The following ADCY5 variants were observed in gnomAD, a reference collection of about 807,000 sequenced individuals.
ADCY5 encodes adenylate cyclase type 5.
ADCY5 carries 30 observed loss-of-function variants against 119.7 expected under a neutral mutation model. The ratio of observed to expected loss-of-function variants is 0.25; its 90% CI spans 0.19 to 0.34. ADCY5 has a LOEUF of 0.34. Ranked by LOEUF, ADCY5 falls within the 10% of genes least tolerant of loss-of-function variation. The pLI is 1.00. For synonymous variants in ADCY5, 753 were observed against 762.2 expected (o/e 0.99, Z 0.20); for missense variants, 1,324 against 1,775.2 (o/e 0.75, Z 4.57).
At chr3:123,398,535 A>C (rs1479125515) in intron 1 of ADCY5, among the ~76,000 whole-genome samples, 3 of 152,154 alleles carry the variant, frequency 2.0e-5, no homozygotes, top group Non-Finnish European at 2.9e-5. Flanking sequence ...CACAGGGATA[A>C]TCTTCAAATA....
At chr3:123,351,228 G>A (rs1348689128) in intron 2 of ADCY5, among the ~76,000 whole-genome samples, 1 of 152,086 alleles carries the variant, frequency 6.6e-6, no homozygotes. Flanking sequence ...TTGCCCCCTC[G>A]TTTGGCTGTC....
Position 123,448,322 on chromosome 3 carries a change from C to G in ADCY5, c.224G>C (p.Ser75Thr), listed in dbSNP as rs1383929179. Residue 75 changes from serine to threonine, a missense_variant, in exon 1 of 21, where the codon AGC becomes ACC. Ser to Thr is a moderately conservative substitution (Grantham distance 58). This residue lies in a region of ADCY5 where 585 missense variants were observed against 569.9 expected (regional missense o/e 1.03). Coordinates refer to ENST00000462833, the MANE Select transcript of ADCY5 (RefSeq NM_183357.3). The stretch of plus-strand genomic sequence containing the variant: ...CAGCGGAGGATCGTCGTCGTCGTCG[C>G]TGCGCCAGCGGCTGGCCAGGCGCTG... ...QQQRLASRWRSDDDDDPPLSG... is the reference protein window; with the variant it reads ...QQQRLASRWRTDDDDDPPLSG... The G allele has an allele frequency of 3.3e-6, 5 of 1,537,892 alleles. No individual in the cohort carries two copies. Among genetic ancestry groups the G allele is most frequent in the Non-Finnish European group, 4.3e-6 (5 of 1,152,920 alleles).
chr3:123,327,507 A>C (rs1401085821), intron 7 of ADCY5, 111 bp downstream of exon 7: 2 of 1,195,400 alleles, frequency 1.7e-6, no homozygotes, highest in Non-Finnish European at 2.3e-6. Context: ...CCGCAACTGC[A>C]TAAGAAATTC....
chr3:123,385,531 A>T (rs1317287786), intron 1 of ADCY5, among the ~76,000 whole-genome samples: 1 of 152,152 alleles, frequency 6.6e-6, no homozygotes, highest in Non-Finnish European at 1.5e-5. Flanking sequence ...AGATGGTGAG[A>T]CAGGGGTGTG....
At chr3:123,337,097 A>C (rs1051542810) in intron 3 of ADCY5, among the ~76,000 whole-genome samples, 1 of 152,120 alleles carries the variant, frequency 6.6e-6, no homozygotes, top group Non-Finnish European at 1.5e-5. Flanking sequence ...TTAAATTTAC[A>C]ACCCTTCCCA....
intron 15 of ADCY5, 36 bp downstream of exon 15, chr3:123,300,084 A>G (rs370748160): frequency 3.1e-6 from 5 of 1,607,672 alleles, no homozygotes; most frequent in Non-Finnish European, 4.3e-6. Flanking sequence ...GCAATGTCTC[A>G]TGCCCAGTGG....
intron 1 of ADCY5, among the ~76,000 whole-genome samples, chr3:123,371,546 G>A (rs183513819): frequency 6.6e-6 from 1 of 152,238 alleles, no homozygotes; most frequent in Admixed American, 6.5e-5. Context: ...CTGTCTCCCA[G>A]GGGAAGTGGC....
chr3:123,393,668 C>T (rs1348225548), intron 1 of ADCY5, among the ~76,000 whole-genome samples: 6 of 152,098 alleles, frequency 3.9e-5, no homozygotes, highest in African/African-American at 1.4e-4. Flanking sequence ...CCATATGGCC[C>T]GGCAGGTGCT....
At chr3:123,367,272 A>C (rs1290832614) in intron 1 of ADCY5, among the ~76,000 whole-genome samples, 2 of 152,198 alleles carry the variant, frequency 1.3e-5, no homozygotes, top group African/African-American at 4.8e-5. Context: ...AACCAAGGAC[A>C]TGAGTTGGGG....
At chr3:123,435,176 T>C (rs909502775) in intron 1 of ADCY5, among the ~76,000 whole-genome samples, 2 of 152,030 alleles carry the variant, frequency 1.3e-5, no homozygotes, top group Admixed American at 6.5e-5. Context: ...TCCCAGCTAC[T>C]TGGGAGGCTG....
intron 3 of ADCY5, among the ~76,000 whole-genome samples, chr3:123,345,769 G>GACACACAC (rs56185421): frequency 7.9e-5 from 9 of 113,836 alleles, no homozygotes; most frequent in East Asian, 2.4e-4. Context: ...CAGACAGACA[G>GACACACAC]ACACACACAC....
intron 17 of ADCY5, among the ~76,000 whole-genome samples, chr3:123,293,798 A>G (rs9857526): frequency 0.28 from 42,028 of 152,188 alleles, 7,324 homozygotes; most frequent in Non-Finnish European, 0.4. Context: ...AGATACATGT[A>G]TACACACGTT....
Position 123,300,321 on chromosome 3 carries a change from G to A in ADCY5, c.2725-26C>T, listed in dbSNP as rs761545797. On this transcript the variant is annotated intron_variant, in intron 14 of 20. Coordinates refer to ENST00000462833, the MANE Select transcript of ADCY5 (RefSeq NM_183357.3). ...CTGCGGGCAGAGGGCAGCAGCATCA[G>A]CTCCCCAGGCCCTGCCCGACCCCGG... The A allele has an allele frequency of 1.9e-6, 3 of 1,609,906 alleles. No individual in the cohort carries two copies. The African/African-American group carries it at 4.0e-5, about 22-fold the overall frequency.
chr3:123,373,759 C>CCT (rs1943720530), intron 1 of ADCY5, among the ~76,000 whole-genome samples: 17 of 10,852 alleles, frequency 1.6e-3, no homozygotes, highest in African/African-American at 7.3e-3. Context: ...AAGCATCACG[C>CCT]CCCCCCCCCC....
At chr3:123,382,478 C>G (rs1440250175) in intron 1 of ADCY5, among the ~76,000 whole-genome samples, 1 of 152,156 alleles carries the variant, frequency 6.6e-6, no homozygotes, top group Non-Finnish European at 1.5e-5. Flanking sequence ...ACGCATGCTC[C>G]CAGCAGCACT....
rs532342457 is a variant in ADCY5, at chr3:123,284,247, G to A, written c.*361C>T. On this transcript the variant is annotated 3_prime_UTR_variant, in exon 21 of 21. Transcript: ENST00000462833. Reference sequence around the variant, plus strand: ...GAGCCCGTCTACCCCCAGCTGAGTCGGAGGCCCCTCAGCCCTGCCCTTGTC... The same window carrying A: ...GAGCCCGTCTACCCCCAGCTGAGTCAGAGGCCCCTCAGCCCTGCCCTTGTC... The A allele has an allele frequency of 1.5e-5, 3 of 200,978 alleles. No homozygotes were observed. Among genetic ancestry groups the A allele is most frequent in the African/African-American group, 2.3e-5 (1 of 43,086 alleles). The allele number at this position is 200,978 out of a possible 1,614,324, so 12.4% of individuals were successfully genotyped here.
chr3:123,375,722 T>C (rs996530907), intron 1 of ADCY5, among the ~76,000 whole-genome samples: 1 of 152,220 alleles, frequency 6.6e-6, no homozygotes, highest in Middle Eastern at 3.2e-3. Context: ...CCAACTGTGC[T>C]GGGCACTCTG....
chr3:123,401,030 G>A (rs1398925488), intron 1 of ADCY5, among the ~76,000 whole-genome samples: 1 of 128,622 alleles, frequency 7.8e-6, no homozygotes, highest in Non-Finnish European at 1.6e-5. Context: ...AAAAGAAAAA[G>A]GAACACTGCA....
At chr3:123,447,085 C>T (rs752878286) in intron 1 of ADCY5, among the ~76,000 whole-genome samples, 35 of 152,192 alleles carry the variant, frequency 2.3e-4, no homozygotes, top group Non-Finnish European at 4.4e-5. Flanking sequence ...TATATAGGAA[C>T]AGAAGCTCAG....
Sources: gnomAD v4.1 joint callset for allele counts (sites outside exome capture counted in the v4.1 genomes callset) on GRCh38, gnomAD v4.1.1 for gene constraint, gnomAD v4.1.1 regional missense constraint, MANE v1.5 for transcripts, NCBI Gene and HGNC (gene_info 2026-07-23, HGNC 2026-07-21) for gene names.